STK3: variants seen among roughly 807,000 people sequenced by gnomAD.
STK3 encodes serine/threonine-protein kinase 3.
STK3 carries 41 observed loss-of-function variants against 58.0 expected under a neutral mutation model. The ratio of observed to expected loss-of-function variants is 0.71; its 90% CI spans 0.55 to 0.92. The LOEUF (loss-of-function observed/expected upper bound fraction) is 0.92, where lower values mean the gene tolerates loss of function less well. Among genes scored for constraint, STK3 ranks in the 40% least tolerant of loss-of-function variants. The pLI is 0.00. For synonymous variants in STK3, 170 were observed against 191.0 expected, an observed-to-expected ratio of 0.89 and a Z score of 0.91; for missense variants, 479 against 602.7, an observed-to-expected ratio of 0.79 and a Z score of 2.15.
At chr8:98,481,566 G>A (rs969663183) in intron 10 of STK3, among the ~76,000 whole-genome samples, 12 of 152,134 alleles carry the variant, frequency 7.9e-5, no homozygotes, top group South Asian at 6.2e-4. Flanking sequence ...ATGCAGAGTG[G>A]TATAATGGAC....
At chr8:98,607,660 C>T (rs1022791462) in intron 6 of STK3, among the ~76,000 whole-genome samples, 2 of 152,112 alleles carry the variant, frequency 1.3e-5, no homozygotes, top group African/African-American at 4.8e-5. Flanking sequence ...GATTAAATTG[C>T]ATGTTGAACT....
intron 3 of STK3, among the ~76,000 whole-genome samples, chr8:98,840,038 A>T (rs1014802817): frequency 2.0e-5 from 3 of 152,152 alleles, no homozygotes; most frequent in African/African-American, 7.2e-5. Flanking sequence ...TTTGAAAAAA[A>T]TAAAGAGTAA....
At chr8:98,379,472 A>G (rs942819167) in intron 1 of STK3, among the ~76,000 whole-genome samples, 8 of 152,212 alleles carry the variant, frequency 5.3e-5, no homozygotes, top group Admixed American at 5.2e-4. Context: ...ATGTTGCAGA[A>G]ACCTACACCA....
At position 98,814,700 on chromosome 8, in the gene STK3, T is replaced by A. The variant is rs1834439108; in HGVS notation, c.26+10815A>T. Among the ~76,000 whole-genome samples the A allele has an allele frequency of 2.0e-5, 3 of 152,092 alleles. No individual in the cohort carries two copies. In the South Asian group the frequency reaches 6.2e-4, roughly 31 times the overall value. On this transcript the variant is annotated intron_variant, in intron 1 of 10. Coordinates refer to ENST00000419617, the MANE Select transcript of STK3 (RefSeq NM_006281.4). ...TTTTTTTATTTTTAGTTTACTTTAG[T>A]TTGAGACAGGGTCTCACTCTGTAGC...
chr8:98,808,353 C>T (rs995843508), intron 1 of STK3, among the ~76,000 whole-genome samples: 5 of 152,072 alleles, frequency 3.3e-5, no homozygotes, highest in East Asian at 1.9e-4. Flanking sequence ...AAAGGCCTTA[C>T]GGCAGAAAAA....
intron 3 of STK3, among the ~76,000 whole-genome samples, chr8:98,858,309 TATATATATATATATAGAG>T (rs1256721880): frequency 2.8e-5 from 2 of 70,932 alleles, no homozygotes; most frequent in African/African-American, 5.3e-5. Flanking sequence ...TATATATATA[TATATATATATATATAGAG>T]AGAGAGAGAG....
At chr8:98,631,491 A>G (rs553305468) in intron 6 of STK3, among the ~76,000 whole-genome samples, 1 of 152,156 alleles carries the variant, frequency 6.6e-6, no homozygotes, top group African/African-American at 2.4e-5. Flanking sequence ...AGAAATCTGC[A>G]TTGCTCATTT....
chr8:98,376,125 G>A (rs914651296), intron 2 of STK3, among the ~76,000 whole-genome samples: 3 of 152,208 alleles, frequency 2.0e-5, no homozygotes, highest in African/African-American at 7.2e-5. Flanking sequence ...AACAGGGGTT[G>A]TAGTGGTATC....
chr8:98,489,054 G>A (rs142179698), intron 10 of STK3, among the ~76,000 whole-genome samples: 2 of 152,276 alleles, frequency 1.3e-5, no homozygotes, highest in African/African-American at 4.8e-5. Flanking sequence ...ATGGTGAGTG[G>A]TGAGCTGGAA....
chr8:98,648,932 C>T (rs1251720636), intron 6 of STK3, among the ~76,000 whole-genome samples: 1 of 151,284 alleles, frequency 6.6e-6, no homozygotes, highest in Admixed American at 6.6e-5. Context: ...TGGCGGGCAC[C>T]TGTAATCCCA....
chr8:98,424,301 C>T (rs1818205276), intron 3 of STK3, among the ~76,000 whole-genome samples: 1 of 152,240 alleles, frequency 6.6e-6, no homozygotes, highest in Non-Finnish European at 1.5e-5. Flanking sequence ...GGGGGCTTGT[C>T]CCTGACCCCA....
intron 3 of STK3, among the ~76,000 whole-genome samples, chr8:98,405,548 C>T (rs1459160658): frequency 1.3e-5 from 2 of 152,094 alleles, no homozygotes; most frequent in East Asian, 1.9e-4. Flanking sequence ...GGATGCCCTC[C>T]GTCATGGCCT....
Position 98,735,067 on chromosome 8 carries a change from C to T in STK3, c.351+14209G>A, listed in dbSNP as rs1331280570. On this transcript the variant is annotated intron_variant, in intron 4 of 10. Coordinates refer to ENST00000419617, the MANE Select transcript of STK3 (RefSeq NM_006281.4). ...TTTATGGCTTGTCTTTGGTATATGA[C>T]CATATTTGTTCAGCAATCCACATTA... 5.9e-5 allele frequency among the ~76,000 whole-genome samples: 9 copies of T among 152,164 alleles called. No homozygotes were observed. The South Asian group carries it at 1.9e-3, about 32-fold the overall frequency.
intron 10 of STK3, among the ~76,000 whole-genome samples, chr8:98,496,733 T>C (rs1823163529): frequency 6.6e-6 from 1 of 152,140 alleles, no homozygotes. Flanking sequence ...GATAATACTG[T>C]ATTACTCCAT....
At chr8:98,487,132 T>C (rs1822331624) in intron 10 of STK3, among the ~76,000 whole-genome samples, 1 of 152,198 alleles carries the variant, frequency 6.6e-6, no homozygotes, top group African/African-American at 2.4e-5. Flanking sequence ...TATGAGAGAA[T>C]ATAATATGAT....
intron 9 of STK3, among the ~76,000 whole-genome samples, chr8:98,535,556 G>C (rs1440820219): frequency 6.6e-6 from 1 of 151,094 alleles, no homozygotes; most frequent in Non-Finnish European, 1.5e-5. Flanking sequence ...CTTCATCCCA[G>C]AATCTTTACA....
In STK3 at chr8:98,428,124, T is replaced by C; in HGVS notation, n.483+6003A>G. 6.2e-7 allele frequency: 1 copy of C among 1,613,966 alleles called. No individual in the cohort carries two copies. The highest frequency in any genetic ancestry group is 1.1e-5 in the South Asian group (1 of 91,076). ...GACGCGCCTGGGCCGCTTGCTGCTCTGCCACTCGCGCGAGGCCATTCTGGA... is the reference window on the plus strand; with the variant it reads ...GACGCGCCTGGGCCGCTTGCTGCTCCGCCACTCGCGCGAGGCCATTCTGGA... On this transcript the variant is annotated intron_variant and non_coding_transcript_variant, in intron 3 of 3. Transcript: ENST00000517832. This position sits in a 1 kb window ranked among gnomAD's most constrained non-coding sequence, Gnocchi z 6.7.
At chr8:98,352,938 T>A in the STK3 span, among the ~76,000 whole-genome samples, 1 of 152,218 alleles carries the variant, frequency 6.6e-6, no homozygotes, top group Non-Finnish European at 1.5e-5. Flanking sequence ...ACTGTGTCAA[T>A]GATATACTTT....
intron 1 of STK3, among the ~76,000 whole-genome samples, chr8:98,796,843 A>T (rs1166945568): frequency 6.6e-6 from 1 of 152,256 alleles, no homozygotes; most frequent in Non-Finnish European, 1.5e-5. Context: ...GTAGCCAAAC[A>T]TATGAAAAAA....
Sources: allele counts gnomAD v4.1 joint callset (sites outside exome capture counted in the v4.1 genomes callset), GRCh38; gene constraint gnomAD v4.1.1; non-coding constraint Gnocchi (gnomAD v3.1); transcripts MANE v1.5; gene names NCBI Gene and HGNC (gene_info 2026-07-23, HGNC 2026-07-21).